Variants in DDX39B observed in about 807,000 individuals in gnomAD.
DDX39B encodes the protein spliceosome RNA helicase DDX39B.
A neutral mutation model predicts 46.4 loss-of-function variants in DDX39B; 6 were observed. The ratio of observed to expected loss-of-function variants is 0.13; its 90% CI spans 0.07 to 0.26. DDX39B has a LOEUF of 0.26. DDX39B is among the 10% of genes least tolerant of loss of function. DDX39B has a pLI of 1.00. For synonymous variants in DDX39B, 174 were observed against 199.4 expected, an observed-to-expected ratio of 0.87 and a Z score of 1.07; for missense variants, 185 against 553.4, an observed-to-expected ratio of 0.33 and a Z score of 6.68.
chr6:31,536,740 C>A (rs1368742699), intron 4 of DDX39B, 57 bp from the exon 5 acceptor site: 2 of 1,580,806 alleles, frequency 1.3e-6, no homozygotes, highest in Admixed American at 1.8e-5. Context: ...TCCAATCCCC[C>A]CAGGGTTCCC....
Position 31,534,796 on chromosome 6 carries a change from G to A in DDX39B, c.735+571C>T, listed in dbSNP as rs2150333721. The stretch of plus-strand genomic sequence containing the variant: ...CAACCGAGGTTCCAGATGGGTGCAA[G>A]GAGATGTGGGTGGGAAGGAGTAGGG... On this transcript the variant is annotated intron_variant, in intron 6 of 10. Transcript: ENST00000396172. The surrounding 1 kb of genome is among the most constrained non-coding windows in gnomAD (Gnocchi z 5.1). 3.1e-6 allele frequency: 1 copy of A among 321,764 alleles called. No homozygotes were observed. The highest frequency in any genetic ancestry group is 6.1e-6 in the Non-Finnish European group (1 of 162,870). The allele number at this position is 321,764 out of a possible 1,614,324, so 19.9% of individuals were successfully genotyped here. A position where few individuals can be genotyped will look rare whatever the true frequency, so the allele number is the denominator to read the frequency against.
At chr6:31,537,779 T>C (rs757452505) in intron 4 of DDX39B, among the ~76,000 whole-genome samples, 2 of 152,092 alleles carry the variant, frequency 1.3e-5, no homozygotes, top group Non-Finnish European at 2.9e-5. Context: ...CTCACTCCTG[T>C]AATCCCAGCA....
chr6:31,535,261 C>A lies in DDX39B; in HGVS notation c.735+106G>T, dbSNP rs1280667467. ...GTCATTACTCCCAGTTGGGCACAAGCCGCCTTCTTGGCACTTGAATGACAA... is the reference window on the plus strand; with the variant it reads ...GTCATTACTCCCAGTTGGGCACAAGACGCCTTCTTGGCACTTGAATGACAA... On this transcript the variant is annotated intron_variant, in intron 6 of 10. Transcript: ENST00000396172. This position sits in a 1 kb window ranked among gnomAD's most constrained non-coding sequence, Gnocchi z 4.6. 9.0e-7 allele frequency: 1 copy of A among 1,105,622 alleles called. No homozygotes were observed. Among genetic ancestry groups the A allele is most frequent in the South Asian group, 1.3e-5 (1 of 79,564 alleles). The allele number at this position is 1,105,622 out of a possible 1,614,324, so 68.5% of individuals were successfully genotyped here.
chr6:31,535,020 G>GAAT lies in DDX39B; in HGVS notation c.735+346_735+347insATT, dbSNP rs1767624961. On this transcript the variant is annotated intron_variant, in intron 6 of 10. Transcript: ENST00000396172. The surrounding 1 kb of genome is among the most constrained non-coding windows in gnomAD (Gnocchi z 4.6). ...GATGCCACCTTGAGGGTGCGTGGCT[G>GAAT]TAGGGTGCATGTAAGAGACGATGGA... 2.7e-6 allele frequency: 1 copy of GAAT among 370,864 alleles called. No individual in the cohort carries two copies. Among genetic ancestry groups the GAAT allele is most frequent in the Non-Finnish European group, 5.1e-6 (1 of 194,690 alleles). The allele number at this position is 370,864 out of a possible 1,614,324, so 23.0% of individuals were successfully genotyped here.
At chr6:31,541,846 G>C in intron 1 of DDX39B, 104 bp downstream of exon 1, 2 of 642,426 alleles carry the variant, frequency 3.1e-6, no homozygotes, top group Non-Finnish European at 5.7e-6. Context: ...CTAGGCCCCA[G>C]CGACCAGACC....
chr6:31,536,745 G>T, intron 4 of DDX39B, 62 bp from the exon 5 acceptor site: 1 of 1,567,872 alleles, frequency 6.4e-7, no homozygotes, highest in Non-Finnish European at 8.6e-7. Context: ...TCCCCCCAGG[G>T]TTCCCACTCT....
intron 4 of DDX39B, among the ~76,000 whole-genome samples, chr6:31,537,350 C>T (rs1023538746): frequency 8.6e-5 from 13 of 151,922 alleles, no homozygotes; most frequent in Admixed American, 4.6e-4. Flanking sequence ...CGCTTGAACC[C>T]GGGAGGTGGA....
In DDX39B at chr6:31,538,909, C is replaced by T. The variant is rs553381734; in HGVS notation, c.340-54G>A. The T allele has an allele frequency of 5.1e-6, 8 of 1,575,594 alleles. No individual in the cohort carries two copies. In the Admixed American group the frequency reaches 8.3e-5, roughly 16 times the overall value. On this transcript the variant is annotated intron_variant, in intron 3 of 10. Transcript: ENST00000396172. ...GGTAAATGTAGCTCTTCATTATCCC[C>T]TCTAGGGAAGTGACTGTCACAAAAA...
chr6:31,536,243 G>C, intron 5 of DDX39B: 1 of 577,322 alleles, frequency 1.7e-6, no homozygotes, highest in South Asian at 1.9e-5. Flanking sequence ...CGGTGGTGGT[G>C]GTGATGACTT....
In DDX39B at chr6:31,535,044, G is replaced by A; in HGVS notation, c.735+323C>T. ...TGTAGGGTGCATGTAAGAGACGATG[G>A]ATGGGTGGGTGGTAGGGCAGAAAAA... On this transcript the variant is annotated intron_variant, in intron 6 of 10. Transcript: ENST00000396172. This position sits in a 1 kb window ranked among gnomAD's most constrained non-coding sequence, Gnocchi z 4.6. 2.4e-6 allele frequency: 1 copy of A among 416,982 alleles called. No individual in the cohort carries two copies. The allele number at this position is 416,982 out of a possible 1,614,324, so 25.8% of individuals were successfully genotyped here. A position where few individuals can be genotyped will look rare whatever the true frequency, so the allele number is the denominator to read the frequency against.
chr6:31,541,761 C>T (rs1221104714), intron 1 of DDX39B, 189 bp downstream of exon 1: 1 of 644,280 alleles, frequency 1.6e-6, no homozygotes, highest in Non-Finnish European at 2.9e-6. Context: ...ATTGGGTCCC[C>T]CCTTAGCTTC....
At chr6:31,532,628 T>C (rs1767299607) in intron 7 of DDX39B, 152 bp downstream of exon 7, 3 of 953,620 alleles carry the variant, frequency 3.1e-6, no homozygotes, top group Admixed American at 2.7e-5. Flanking sequence ...GCTCCCACCT[T>C]ACTCATGCTC....
Position 31,534,341 on chromosome 6 carries a change from C to G in DDX39B, c.735+1026G>C. 2.9e-6 allele frequency: 1 copy of G among 350,288 alleles called. No individual in the cohort carries two copies. Among genetic ancestry groups the G allele is most frequent in the Non-Finnish European group, 5.9e-6 (1 of 168,224 alleles). 21.7% of individuals were successfully genotyped at this position (350,288 alleles called of 1,614,324 possible). ...AGAAGTTCCATGGCCTCCTTCAAAT[C>G]TCATTCTAGCCCCAAATACAGCTAA... On this transcript the variant is annotated intron_variant, in intron 6 of 10. Coordinates refer to ENST00000396172, the MANE Select transcript of DDX39B (RefSeq NM_004640.7). The surrounding 1 kb of genome is among the most constrained non-coding windows in gnomAD (Gnocchi z 5.1).
Position 31,531,575 on chromosome 6 carries a change from TA to T in DDX39B, c.868-171del. On this transcript the variant is annotated intron_variant, in intron 7 of 10. Coordinates refer to ENST00000396172, the MANE Select transcript of DDX39B (RefSeq NM_004640.7). This position sits in a 1 kb window ranked among gnomAD's most constrained non-coding sequence, Gnocchi z 5.8. ...TAGAGCAGAAAAGGAAATATAACTT[TA>T]CTTCAGCACTGATTTTTCCCTAAGG... 1 of 663,278 alleles carries T rather than the reference TA, an allele frequency of 1.5e-6. No individual in the cohort carries two copies. The allele number at this position is 663,278 out of a possible 1,614,324, so 41.1% of individuals were successfully genotyped here.
At position 31,537,121 on chromosome 6, in the gene DDX39B, T is replaced by C. The variant is rs58884312; in HGVS notation, c.433-438A>G. Among the ~76,000 whole-genome samples, 3 of 149,932 alleles carry C rather than the reference T, an allele frequency of 2.0e-5. No homozygotes were observed. In the South Asian group the frequency reaches 6.4e-4, roughly 32 times the overall value. On this transcript the variant is annotated intron_variant, in intron 4 of 10. Coordinates refer to ENST00000396172, the MANE Select transcript of DDX39B (RefSeq NM_004640.7). Reference sequence around the variant, plus strand: ...AGTGATACTCCATCTCAAAAAGAAATAAAATAAATAAAAATAAAATAAAGC... The same window carrying C: ...AGTGATACTCCATCTCAAAAAGAAACAAAATAAATAAAAATAAAATAAAGC...
chr6:31,536,943 T>C (rs536631576), intron 4 of DDX39B, among the ~76,000 whole-genome samples: 14 of 152,268 alleles, frequency 9.2e-5, no homozygotes, highest in Admixed American at 7.8e-4. Flanking sequence ...CCTTCATTTA[T>C]GAGGCCAGGC....
chr6:31,530,593 G>A lies in DDX39B; in HGVS notation c.1271-143C>T. The A allele has an allele frequency of 1.8e-5, 21 of 1,189,214 alleles. No individual in the cohort carries two copies. Among genetic ancestry groups the A allele is most frequent in the Non-Finnish European group, 2.3e-5 (20 of 882,134 alleles). The allele number at this position is 1,189,214 out of a possible 1,614,324, so 73.7% of individuals were successfully genotyped here. Reference sequence around the variant, plus strand: ...GGTGAGGGAAGGGATGTAATATGATGAGAGAAGACAAGACACCCCACATAA... The same window carrying A: ...GGTGAGGGAAGGGATGTAATATGATAAGAGAAGACAAGACACCCCACATAA... On this transcript the variant is annotated intron_variant, in intron 10 of 10. Coordinates refer to ENST00000396172, the MANE Select transcript of DDX39B (RefSeq NM_004640.7). The surrounding 1 kb of genome is among the most constrained non-coding windows in gnomAD (Gnocchi z 4.5).
chr6:31,540,700 C>T (rs1412334113), intron 1 of DDX39B, 36 bp from the exon 2 acceptor site: 7 of 631,032 alleles, frequency 1.1e-5, no homozygotes, highest in Non-Finnish European at 1.6e-5. Context: ...GACTTAATCA[C>T]GAGCACAGCC....
At chr6:31,539,625 TCTC>T (rs936082097) in intron 2 of DDX39B, among the ~76,000 whole-genome samples, 2 of 152,124 alleles carry the variant, frequency 1.3e-5, no homozygotes, top group African/African-American at 4.8e-5. Context: ...ACAGACCACT[TCTC>T]CTGCTTAGGT....
Sources: gnomAD v4.1 joint callset for allele counts (sites outside exome capture counted in the v4.1 genomes callset) on GRCh38, gnomAD v4.1.1 for gene constraint, Gnocchi (gnomAD v3.1) non-coding constraint, MANE v1.5 for transcripts, NCBI Gene and HGNC (gene_info 2026-07-23, HGNC 2026-07-21) for gene names.